Variants in RHOJ observed in about 807,000 individuals in gnomAD.
RHOJ encodes the protein rho-related GTP-binding protein RhoJ.
A neutral mutation model predicts 23.4 loss-of-function variants in RHOJ; 11 were observed. The observed-to-expected ratio is 0.47, with a 90% CI of 0.30 to 0.78. The LOEUF (loss-of-function observed/expected upper bound fraction) is 0.78, where lower values mean the gene tolerates loss of function less well. Ranked by LOEUF, RHOJ falls within the 30% of genes least tolerant of loss-of-function variation. The pLI is 0.08. For missense variants in RHOJ, 254 were observed against 273.4 expected (o/e 0.93, Z 0.50); for synonymous variants, 102 against 102.7 (o/e 0.99, Z 0.04).
intron 1 of RHOJ, among the ~76,000 whole-genome samples, chr14:63,265,679 G>A (rs919904553): frequency 6.6e-6 from 1 of 152,194 alleles, no homozygotes; most frequent in African/African-American, 2.4e-5. Flanking sequence ...CTGAGAACAT[G>A]TCCCCAAGAT....
At position 63,293,008 on chromosome 14, in the gene RHOJ, GC is replaced by G. The variant is rs1354610412; in HGVS notation, c.*1985del. 6.6e-6 allele frequency: 1 copy of G among 150,386 alleles called. No homozygotes were observed. Among genetic ancestry groups the G allele is most frequent in the African/African-American group, 2.5e-5 (1 of 40,780 alleles). The allele number at this position is 150,386 out of a possible 1,614,324, so 9.3% of individuals were successfully genotyped here. A position where few individuals can be genotyped will look rare whatever the true frequency, so the allele number is the denominator to read the frequency against. ...TATTTCCCTTCTCTCCCATCTAATT[GC>G]TAAAGATTTTCTTTCATACGCACAC... On this transcript the variant is annotated 3_prime_UTR_variant, in exon 5 of 5. Transcript: ENST00000316754.
At chr14:63,231,039 C>T (rs1894685509) in intron 1 of RHOJ, among the ~76,000 whole-genome samples, 1 of 151,922 alleles carries the variant, frequency 6.6e-6, no homozygotes, top group Admixed American at 6.6e-5. Flanking sequence ...CAGGCGCCCA[C>T]CACCATGCCC....
intron 3 of RHOJ, among the ~76,000 whole-genome samples, chr14:63,281,712 A>C (rs1881906376): frequency 1.3e-5 from 2 of 152,200 alleles, no homozygotes; most frequent in African/African-American, 4.8e-5. Context: ...GAAAGCCTTT[A>C]CAGTGTTCTG....
At chr14:63,262,284 C>G (rs1021275676) in intron 1 of RHOJ, among the ~76,000 whole-genome samples, 2 of 152,134 alleles carry the variant, frequency 1.3e-5, no homozygotes, top group Non-Finnish European at 2.9e-5. Flanking sequence ...GGGAAGTAGA[C>G]GTAAGTTCTA....
chr14:63,255,365 G>GT (rs1198248222), intron 1 of RHOJ, among the ~76,000 whole-genome samples: 1 of 152,096 alleles, frequency 6.6e-6, no homozygotes, highest in Non-Finnish European at 1.5e-5. Context: ...CCCTTTATAC[G>GT]TAACTGTCAA....
intron 1 of RHOJ, among the ~76,000 whole-genome samples, chr14:63,263,642 C>T (rs894972349): frequency 1.3e-5 from 2 of 152,342 alleles, no homozygotes; most frequent in East Asian, 3.9e-4. Flanking sequence ...CACTACACAG[C>T]AAAGCTGAAC....
At chr14:63,257,281 C>A (rs1322036223) in intron 1 of RHOJ, among the ~76,000 whole-genome samples, 1 of 148,920 alleles carries the variant, frequency 6.7e-6, no homozygotes, top group South Asian at 2.1e-4. Context: ...CAGCTCACCC[C>A]GACCCAGTCC....
rs1475075701 is a variant in RHOJ, at chr14:63,291,148, C to T, written c.*124C>T. ...AACTCCCTTTGCACGGAGGCTTGCC[C>T]CATCACCCTCTGAGCCCTCCCAACA... is the stretch of plus-strand genomic sequence containing the variant. On this transcript the variant is annotated 3_prime_UTR_variant, in exon 5 of 5. Transcript: ENST00000316754. The T allele has an allele frequency of 2.7e-6, 3 of 1,118,364 alleles. No individual in the cohort carries two copies. Among genetic ancestry groups the T allele is most frequent in the South Asian group, 1.3e-5 (1 of 77,966 alleles). The allele number at this position is 1,118,364 out of a possible 1,614,324, so 69.3% of individuals were successfully genotyped here. A position where few individuals can be genotyped will look rare whatever the true frequency, so the allele number is the denominator to read the frequency against.
intron 1 of RHOJ, among the ~76,000 whole-genome samples, chr14:63,221,976 C>T: frequency 9.2e-6 from 1 of 108,870 alleles, no homozygotes; most frequent in Non-Finnish European, 1.7e-5. Flanking sequence ...CTCCCCCCTC[C>T]CCCCACCCAA....
At chr14:63,266,033 C>G (rs760468631) in intron 1 of RHOJ, among the ~76,000 whole-genome samples, 1 of 152,064 alleles carries the variant, frequency 6.6e-6, no homozygotes, top group Admixed American at 6.6e-5. Context: ...CTTGTCAGAC[C>G]CTGAAAGTGC....
intron 1 of RHOJ, among the ~76,000 whole-genome samples, chr14:63,256,240 T>C (rs1263541375): frequency 6.6e-6 from 1 of 152,154 alleles, no homozygotes; most frequent in Non-Finnish European, 1.5e-5. Context: ...CTCATCCCTG[T>C]GTCACTTACT....
chr14:63,205,228 A>T (rs904579081), intron 1 of RHOJ, among the ~76,000 whole-genome samples, 181 bp downstream of exon 1: 1 of 152,184 alleles, frequency 6.6e-6, no homozygotes, highest in African/African-American at 2.4e-5. Context: ...TTGTGCATCA[A>T]TGTGTATGGT....
chr14:63,212,710 T>G (rs1358801413), intron 1 of RHOJ, among the ~76,000 whole-genome samples: 1 of 152,208 alleles, frequency 6.6e-6, no homozygotes, highest in Non-Finnish European at 1.5e-5. Flanking sequence ...AACAATCATT[T>G]TCTAACTCTT....
chr14:63,283,519 A>G (rs1171087689), intron 4 of RHOJ, among the ~76,000 whole-genome samples: 4 of 152,220 alleles, frequency 2.6e-5, no homozygotes, highest in Non-Finnish European at 4.4e-5. Flanking sequence ...TTTAGTATGA[A>G]TATAGGGAGT....
At chr14:63,276,721 C>G (rs530782196) in intron 2 of RHOJ, among the ~76,000 whole-genome samples, 2 of 152,218 alleles carry the variant, frequency 1.3e-5, no homozygotes, top group African/African-American at 4.8e-5. Context: ...CTTCTCTCAC[C>G]TGCCCCACCT....
intron 4 of RHOJ, among the ~76,000 whole-genome samples, chr14:63,290,014 G>A (rs569472415): frequency 2.6e-5 from 4 of 151,838 alleles, no homozygotes; most frequent in Admixed American, 6.6e-5. Context: ...AGGCTGAGGC[G>A]GGCGCATCAC....
intron 1 of RHOJ, among the ~76,000 whole-genome samples, chr14:63,221,057 AG>A (rs1894481645): frequency 6.6e-6 from 1 of 152,172 alleles, no homozygotes; most frequent in Non-Finnish European, 1.5e-5. Context: ...GGCTGGGCAC[AG>A]TGGCTCACAC....
intron 1 of RHOJ, among the ~76,000 whole-genome samples, chr14:63,248,925 T>TC (rs1895021592): frequency 1.3e-5 from 2 of 151,926 alleles, no homozygotes; most frequent in Admixed American, 6.6e-5. Flanking sequence ...ATTCCCCACT[T>TC]CCCCCGCATC....
At chr14:63,231,291 A>G (rs60068448) in intron 1 of RHOJ, among the ~76,000 whole-genome samples, 4,906 of 152,292 alleles carry the variant, frequency 0.032, 217 homozygotes, top group African/African-American at 0.099. Flanking sequence ...AGCCCTTTAT[A>G]GTGGATGTAA....
Sources: gnomAD v4.1 joint callset for allele counts (sites outside exome capture counted in the v4.1 genomes callset) on GRCh38, gnomAD v4.1.1 for gene constraint, MANE v1.5 for transcripts, NCBI Gene and HGNC (gene_info 2026-07-23, HGNC 2026-07-21) for gene names.